The following TENM3 variants were observed in gnomAD, a reference collection of about 807,000 sequenced individuals.
TENM3 encodes teneurin transmembrane protein 3.
TENM3 carries 63 observed loss-of-function variants against 255.1 expected under a neutral mutation model. The observed-to-expected ratio is 0.25, with a 90% CI of 0.20 to 0.30. The LOEUF is 0.30. Ranked by LOEUF, TENM3 falls within the 10% of genes least tolerant of loss-of-function variation. The pLI, the probability that TENM3 is intolerant of heterozygous loss-of-function variation, is 1.00. For synonymous variants in TENM3, 1,306 were observed against 1,322.3 expected (o/e 0.99, Z 0.27); for missense variants, 2,929 against 3,461.1 (o/e 0.85, Z 3.86).
upstream of TENM3, chr4:182,143,825 G>C (rs1340347944): frequency 2.0e-5 from 3 of 152,584 alleles, no homozygotes; most frequent in African/African-American, 7.2e-5. The surrounding 1 kb of genome is among the most constrained non-coding windows in gnomAD (Gnocchi z 4.3). Flanking sequence ...TCAGCGTGAA[G>C]TGTTATTCAC....
chr4:182,219,992 C>T (rs536738934), intron 1 of TENM3, among the ~76,000 whole-genome samples: 3 of 152,196 alleles, frequency 2.0e-5, no homozygotes, highest in South Asian at 2.1e-4. Flanking sequence ...ACAGGTCAAC[C>T]GTAAGTCTGG....
At chr4:181,665,703 C>G in the TENM3 span, among the ~76,000 whole-genome samples, 1 of 151,962 alleles carries the variant, frequency 6.6e-6, no homozygotes, top group Admixed American at 6.6e-5. Flanking sequence ...CACACGTACC[C>G]TGTTCTGCAT....
At chr4:181,801,881 G>A in the TENM3 span, among the ~76,000 whole-genome samples, 1 of 151,874 alleles carries the variant, frequency 6.6e-6, no homozygotes, top group Non-Finnish European at 1.5e-5. Flanking sequence ...TTAGAGGCAA[G>A]TCACCATTCT....
intron 1 of TENM3, among the ~76,000 whole-genome samples, chr4:182,213,321 A>G (rs1755181739): frequency 6.6e-6 from 1 of 152,198 alleles, no homozygotes; most frequent in Admixed American, 6.5e-5. Context: ...AGCAACATTG[A>G]AAAGAAATTA....
the TENM3 span, among the ~76,000 whole-genome samples, chr4:181,720,799 T>C: frequency 2.0e-5 from 3 of 152,038 alleles, no homozygotes; most frequent in Non-Finnish European, 1.5e-5. Flanking sequence ...GCAATTTTAT[T>C]TTTGAAAAAA....
the TENM3 span, among the ~76,000 whole-genome samples, chr4:181,956,431 T>C: frequency 6.6e-6 from 1 of 152,254 alleles, no homozygotes; most frequent in Non-Finnish European, 1.5e-5. Flanking sequence ...TGAGTATCTA[T>C]GCCTTTATAA....
the TENM3 span, among the ~76,000 whole-genome samples, chr4:181,500,525 A>T: frequency 6.6e-6 from 1 of 152,198 alleles, no homozygotes; most frequent in African/African-American, 2.4e-5. Context: ...TCAGATGTTC[A>T]TACAATTGAG....
chr4:182,536,985 G>C (rs1424749375), intron 3 of TENM3, among the ~76,000 whole-genome samples: 1 of 152,106 alleles, frequency 6.6e-6, no homozygotes, highest in Non-Finnish European at 1.5e-5. Context: ...CAGCTGGCAA[G>C]ATATCGATAC....
At chr4:181,889,341 G>C in the TENM3 span, among the ~76,000 whole-genome samples, 1 of 152,042 alleles carries the variant, frequency 6.6e-6, no homozygotes, top group Non-Finnish European at 1.5e-5. Context: ...CCGGCTCCCC[G>C]TTCCCTTCTG....
chr4:182,514,185 T>C (rs1737704733), intron 3 of TENM3, among the ~76,000 whole-genome samples: 1 of 152,188 alleles, frequency 6.6e-6, no homozygotes, highest in African/African-American at 2.4e-5. Flanking sequence ...TAGTACACTA[T>C]ATTTTTAAAC....
rs1488390523 is a variant in TENM3, at chr4:182,649,204, T to A, written c.989-4567T>A. ...CCAACTTAAAAATTGTCTTGCAAAA[T>A]ACTCCCATTTATAGTTGGTAAAAAT... is the stretch of plus-strand genomic sequence containing the variant. On this transcript the variant is annotated intron_variant, in intron 5 of 27. Coordinates refer to ENST00000511685, the MANE Select transcript of TENM3 (RefSeq NM_001080477.4). 1.4e-5 allele frequency among the ~76,000 whole-genome samples: 2 copies of A among 143,292 alleles called. 1 individual carries two copies. The highest frequency in any genetic ancestry group is 3.2e-5 in the Non-Finnish European group (2 of 63,174). The allele number at this position is 143,292 out of a possible 152,430, so 94.0% of individuals were successfully genotyped here.
the TENM3 span, among the ~76,000 whole-genome samples, chr4:181,902,481 A>T: frequency 2.0e-5 from 3 of 152,210 alleles, no homozygotes; most frequent in African/African-American, 7.2e-5. Context: ...GCGTATGTTT[A>T]TTGCAGCACT....
chr4:182,002,937 T>C, the TENM3 span, among the ~76,000 whole-genome samples: 1 of 152,078 alleles, frequency 6.6e-6, no homozygotes, highest in African/African-American at 2.4e-5. Context: ...TGACTTTGAA[T>C]TTTTTTGTGT....
At chr4:182,317,483 T>A (rs1395566347) in intron 1 of TENM3, among the ~76,000 whole-genome samples, 1 of 151,878 alleles carries the variant, frequency 6.6e-6, no homozygotes, top group Non-Finnish European at 1.5e-5. Context: ...TTTGTTGTTG[T>A]TTGGTTTGGT....
At chr4:182,719,191 A>G (rs1219374825) in intron 13 of TENM3, among the ~76,000 whole-genome samples, 1 of 151,872 alleles carries the variant, frequency 6.6e-6, no homozygotes, top group Non-Finnish European at 1.5e-5. Context: ...GTGGAATACC[A>G]AAGCATAACT....
chr4:182,107,548 C>T, the TENM3 span, among the ~76,000 whole-genome samples: 16 of 152,156 alleles, frequency 1.1e-4, no homozygotes, highest in Non-Finnish European at 2.9e-5. Context: ...TGGCCCAAGG[C>T]CACCTGGAGA....
chr4:182,772,331 C>A (rs1275945793), intron 22 of TENM3, among the ~76,000 whole-genome samples: 2 of 152,164 alleles, frequency 1.3e-5, no homozygotes, highest in East Asian at 3.8e-4. Context: ...CGATTATGAT[C>A]CCCTGTCACT....
At chr4:182,507,278 GTTAGTCTAAATAACA>G (rs1395439655) in intron 3 of TENM3, among the ~76,000 whole-genome samples, 1 of 152,148 alleles carries the variant, frequency 6.6e-6, no homozygotes, top group African/African-American at 2.4e-5. Flanking sequence ...AAAGATTGAA[GTTAGTCTAAATAACA>G]TTAGGTCCCA....
At chr4:182,157,058 G>C (rs1408931370) in intron 1 of TENM3, among the ~76,000 whole-genome samples, 1 of 152,186 alleles carries the variant, frequency 6.6e-6, no homozygotes, top group Non-Finnish European at 1.5e-5. Flanking sequence ...GAGAACTGAA[G>C]GGGGGTACCC....
Sources: allele counts gnomAD v4.1 joint callset (sites outside exome capture counted in the v4.1 genomes callset), GRCh38; gene constraint gnomAD v4.1.1; non-coding constraint Gnocchi (gnomAD v3.1); transcripts MANE v1.5; gene names NCBI Gene and HGNC (gene_info 2026-07-23, HGNC 2026-07-21).